Variants in SDAD1 observed in about 807,000 individuals in gnomAD.
The protein encoded by SDAD1 is SDA1 domain containing 1.
In SDAD1, 79 loss-of-function variants were observed where a neutral mutation model predicts 100.3. That is an observed-to-expected ratio of 0.79 (90% CI 0.66 to 0.95). The LOEUF is 0.95. Among genes scored for constraint, SDAD1 ranks in the 40% least tolerant of loss-of-function variants. The pLI is 0.00. For missense variants in SDAD1, 790 were observed against 810.9 expected (o/e 0.97, Z 0.31); for synonymous variants, 267 against 271.4 (o/e 0.98, Z 0.16).
At chr4:75,967,684 G>C (rs984256421) in intron 11 of SDAD1, among the ~76,000 whole-genome samples, 2 of 152,272 alleles carry the variant, frequency 1.3e-5, no homozygotes, top group South Asian at 2.1e-4. Context: ...TTATAGGAAG[G>C]AACAGCATTG....
Position 75,961,294 on chromosome 4 carries a change from T to C in SDAD1, c.1196A>G (p.Lys399Arg). The C allele has an allele frequency of 6.2e-7, 1 of 1,612,532 alleles. No homozygotes were observed. Among genetic ancestry groups the C allele is most frequent in the South Asian group, 1.1e-5 (1 of 90,774 alleles). Residue 399 changes from lysine to arginine, a missense_variant, in exon 15 of 22, where the codon AAG (lysine) becomes AGG (arginine). By Grantham distance (26) the Lys-to-Arg change is conservative (BLOSUM62 2). Transcript: ENST00000356260. ...CAGAGGACATCGAGCTGTTATCTCCTTTATAGCATTGATTCTAGAAAAAGA... is the reference window on the plus strand; with the variant it reads ...CAGAGGACATCGAGCTGTTATCTCCCTTATAGCATTGATTCTAGAAAAAGA... ...EVMTVGINAI[K>R]EITARCPLAM...
chr4:75,967,849 C>T (rs1729635690), intron 11 of SDAD1, among the ~76,000 whole-genome samples: 1 of 99,604 alleles, frequency 1.0e-5, no homozygotes, highest in African/African-American at 3.0e-5. Flanking sequence ...AGGAGTTACT[C>T]TGTGCACCAT....
chr4:75,961,172 C>A (rs2149312544), intron 15 of SDAD1, 39 bp downstream of exon 15: 1 of 1,598,876 alleles, frequency 6.3e-7, no homozygotes, highest in Middle Eastern at 1.7e-4. Flanking sequence ...AGGAGTCACA[C>A]TGTACTCTTT....
At chr4:75,983,065 T>C (rs898106118) in intron 1 of SDAD1, among the ~76,000 whole-genome samples, 1 of 150,996 alleles carries the variant, frequency 6.6e-6, no homozygotes, top group Non-Finnish European at 1.5e-5. Flanking sequence ...GTCCTTGTGA[T>C]AGTTTTCTGA....
At chr4:75,981,567 C>G in intron 2 of SDAD1, 97 bp from the exon 3 acceptor site, 15 of 1,569,680 alleles carry the variant, frequency 9.6e-6, no homozygotes, top group Non-Finnish European at 1.3e-5. Context: ...GAGTAAAAGG[C>G]TATGTTTCAT....
chr4:75,978,980 C>CAG (rs1412359526), intron 3 of SDAD1, among the ~76,000 whole-genome samples: 481 of 11,162 alleles, frequency 0.043, 4 homozygotes, highest in Middle Eastern at 0.1. Flanking sequence ...GACCCTGTCT[C>CAG]AGAAAAAAAA....
intron 3 of SDAD1, among the ~76,000 whole-genome samples, chr4:75,978,356 AT>A (rs200819418): frequency 0.016 from 1,939 of 122,952 alleles, 12 homozygotes; most frequent in Middle Eastern, 0.075. Context: ...GTACCCAGCT[AT>A]TTTTTTTTTT....
intron 4 of SDAD1, 78 bp from the exon 5 acceptor site, chr4:75,976,073 A>G (rs1243212105): frequency 1.2e-6 from 1 of 847,420 alleles, no homozygotes; most frequent in Non-Finnish European, 1.9e-6. Context: ...GAACAGTATG[A>G]ATGTACAGGA....
rs755482657 is a variant in SDAD1 at position 75,965,661 on chromosome 4, C to T, written c.1104+103G>A. ...CTGACAAGAAATAGAAAAAAACCCA[C>T]GTTGAATTATCGGGGGCAGGTTCCC... On this transcript the variant is annotated intron_variant, in intron 13 of 21. Transcript: ENST00000356260. 1,169 of 881,894 alleles carry T rather than the reference C, an allele frequency of 1.3e-3. 2 individuals carry two copies. Among genetic ancestry groups the T allele is most frequent in the Non-Finnish European group, 1.9e-3 (1,024 of 537,378 alleles). The allele number at this position is 881,894 out of a possible 1,614,324, so 54.6% of individuals were successfully genotyped here. A position where few individuals can be genotyped will look rare whatever the true frequency, so the allele number is the denominator to read the frequency against.
At chr4:75,966,583 T>C (rs1578127298) in intron 12 of SDAD1, among the ~76,000 whole-genome samples, 1 of 152,220 alleles carries the variant, frequency 6.6e-6, no homozygotes, top group African/African-American at 2.4e-5. Context: ...CAATCATCTC[T>C]TCTTTCCTGC....
At chr4:75,988,247 T>C (rs978260170) in intron 1 of SDAD1, among the ~76,000 whole-genome samples, 7 of 152,208 alleles carry the variant, frequency 4.6e-5, no homozygotes, top group African/African-American at 1.4e-4. Flanking sequence ...CTCAAAACCC[T>C]GTAAAGGCTT....
chr4:75,965,921 T>C (rs2149316520), intron 12 of SDAD1, 99 bp from the exon 13 acceptor site: 2 of 925,876 alleles, frequency 2.2e-6, no homozygotes, highest in South Asian at 2.9e-5. Flanking sequence ...TAAATGGTAT[T>C]GCTGCGTATT....
chr4:75,953,252 G>A (rs1201067908), intron 21 of SDAD1, among the ~76,000 whole-genome samples: 2 of 152,168 alleles, frequency 1.3e-5, no homozygotes, highest in African/African-American at 2.4e-5. Context: ...GTGCTTGAAA[G>A]GAACAAAGCT....
At chr4:75,958,322 C>T (rs1384371850) in intron 17 of SDAD1, among the ~76,000 whole-genome samples, 1 of 152,182 alleles carries the variant, frequency 6.6e-6, no homozygotes, top group Non-Finnish European at 1.5e-5. Flanking sequence ...CAACTGTGTC[C>T]ATCAAAACTG....
intron 2 of SDAD1, 130 bp from the exon 3 acceptor site, chr4:75,981,600 CCTT>C: frequency 7.0e-7 from 1 of 1,422,090 alleles, no homozygotes; most frequent in Non-Finnish European, 9.6e-7. Context: ...TTCCAAACAA[CCTT>C]CTTTTCCTTC....
At chr4:75,973,912 A>T (rs1227892492) in intron 7 of SDAD1, among the ~76,000 whole-genome samples, 164 bp downstream of exon 7, 4 of 151,410 alleles carry the variant, frequency 2.6e-5, no homozygotes, top group Non-Finnish European at 5.9e-5. Flanking sequence ...ACATCACTGC[A>T]TGCCTGGTGT....
chr4:75,982,208 G>A (rs1431474540), intron 1 of SDAD1, among the ~76,000 whole-genome samples, 171 bp from the exon 2 acceptor site: 2 of 152,166 alleles, frequency 1.3e-5, no homozygotes, highest in Admixed American at 6.5e-5. Flanking sequence ...TTCAAAGTGC[G>A]CTTTTTAAAG....
In SDAD1 at chr4:75,950,136, G is replaced by T. The variant is rs1275668186; in HGVS notation, c.*614C>A. The T allele has an allele frequency of 1.4e-5, 1 of 72,874 alleles. No individual in the cohort carries two copies. Among genetic ancestry groups the T allele is most frequent in the East Asian group, 3.6e-4 (1 of 2,814 alleles). 4.5% of individuals were successfully genotyped at this position (72,874 alleles called of 1,614,324 possible). ...CAAAAACAAAAACAAAAAAAACACG[G>T]GGGGGGGGGGGTCACTTAAATCTCT... On this transcript the variant is annotated 3_prime_UTR_variant, in exon 22 of 22. Transcript: ENST00000356260.
intron 1 of SDAD1, among the ~76,000 whole-genome samples, chr4:75,989,137 C>CT (rs1186162062): frequency 6.6e-6 from 1 of 152,192 alleles, no homozygotes; most frequent in Non-Finnish European, 1.5e-5. Context: ...AAGCTGACCC[C>CT]TGCCTGCATT....
Sources: gnomAD v4.1 joint callset for allele counts (sites outside exome capture counted in the v4.1 genomes callset) on GRCh38, gnomAD v4.1.1 for gene constraint, MANE v1.5 for transcripts, NCBI Gene and HGNC (gene_info 2026-07-23, HGNC 2026-07-21) for gene names.